VWA8: variants seen among roughly 807,000 people sequenced by gnomAD.
VWA8 encodes the protein von Willebrand factor A domain containing 8.
A neutral mutation model predicts 241.5 loss-of-function variants in VWA8; 221 were observed. The ratio of observed to expected loss-of-function variants is 0.91; its 90% CI spans 0.82 to 1.02. The LOEUF (loss-of-function observed/expected upper bound fraction) is 1.02, where lower values mean the gene tolerates loss of function less well. Among genes scored for constraint, VWA8 ranks in the 50% least tolerant of loss-of-function variants. The pLI is 0.00. For synonymous variants in VWA8, 852 were observed against 827.1 expected (o/e 1.03, Z -0.52); for missense variants, 2,322 against 2,328.7 (o/e 1.00, Z 0.06).
At chr13:41,715,019 A>C in intron 26 of VWA8, among the ~76,000 whole-genome samples, 1 of 151,904 alleles carries the variant, frequency 6.6e-6, no homozygotes, top group East Asian at 1.9e-4. Flanking sequence ...TGGAATTAAT[A>C]TTACATATAG....
At chr13:41,810,225 A>T (rs1274631233) in intron 17 of VWA8, among the ~76,000 whole-genome samples, 1 of 152,108 alleles carries the variant, frequency 6.6e-6, no homozygotes, top group Non-Finnish European at 1.5e-5. Context: ...AAATAACTAG[A>T]ACAACCATAT....
intron 2 of VWA8, among the ~76,000 whole-genome samples, chr13:41,924,205 G>C (rs1488241337): frequency 6.6e-6 from 1 of 152,006 alleles, no homozygotes; most frequent in Admixed American, 6.6e-5. Flanking sequence ...CAAGCAGATA[G>C]ATATCATAAA....
chr13:41,816,577 T>C (rs1324020371), intron 16 of VWA8, 121 bp downstream of exon 16: 1 of 890,818 alleles, frequency 1.1e-6, no homozygotes. Context: ...AGGCATAGCA[T>C]AAGGGATTCC....
intron 9 of VWA8, among the ~76,000 whole-genome samples, chr13:41,872,411 G>T (rs187921751): frequency 1.3e-3 from 199 of 152,298 alleles, no homozygotes; most frequent in African/African-American, 4.5e-3. Context: ...TAATGCCTAC[G>T]TTTTCTTCTA....
At chr13:41,724,824 A>G (rs755127168) in intron 24 of VWA8, among the ~76,000 whole-genome samples, 2 of 152,212 alleles carry the variant, frequency 1.3e-5, no homozygotes, top group Non-Finnish European at 2.9e-5. Context: ...CAAGTATTGT[A>G]TAATTTTAAA....
chr13:41,831,602 C>A (rs1163420885), intron 13 of VWA8, among the ~76,000 whole-genome samples: 1 of 146,734 alleles, frequency 6.8e-6, no homozygotes, highest in Admixed American at 7.0e-5. Flanking sequence ...GATGGTGAAG[C>A]CCAGGCATGA....
intron 18 of VWA8, among the ~76,000 whole-genome samples, chr13:41,787,159 G>T (rs1206900975): frequency 6.9e-6 from 1 of 145,144 alleles, no homozygotes; most frequent in African/African-American, 2.6e-5. Flanking sequence ...ATTTACAGCA[G>T]GAATTCTCAG....
intron 18 of VWA8, among the ~76,000 whole-genome samples, chr13:41,784,697 CATAT>C (rs59582293): frequency 0.018 from 1,030 of 56,986 alleles, 29 homozygotes; most frequent in African/African-American, 0.043. Context: ...TATACATATA[CATAT>C]ATATATATAT....
chr13:41,947,945 A>C (rs1877931569), intron 2 of VWA8, among the ~76,000 whole-genome samples: 1 of 148,834 alleles, frequency 6.7e-6, no homozygotes, highest in Non-Finnish European at 1.5e-5. Context: ...AAAAAAAAAA[A>C]AAAAAAAACA....
At chr13:41,940,947 T>A (rs766710659) in intron 2 of VWA8, among the ~76,000 whole-genome samples, 5 of 152,152 alleles carry the variant, frequency 3.3e-5, no homozygotes, top group Non-Finnish European at 7.4e-5. Context: ...CTACAGGCTA[T>A]CCAAATGCTT....
At chr13:41,855,246 C>T (rs928321134) in intron 12 of VWA8, among the ~76,000 whole-genome samples, 4 of 150,192 alleles carry the variant, frequency 2.7e-5, no homozygotes, top group Admixed American at 6.7e-5. Context: ...TACTGTAGCC[C>T]ATGGCTTGGC....
intron 12 of VWA8, among the ~76,000 whole-genome samples, chr13:41,856,933 G>T (rs763886529): frequency 6.6e-6 from 1 of 151,760 alleles, no homozygotes; most frequent in Non-Finnish European, 1.5e-5. Flanking sequence ...ATATTTGTTG[G>T]ATATCTTTTT....
intron 38 of VWA8, among the ~76,000 whole-genome samples, chr13:41,612,510 A>T (rs1463119241): frequency 3.3e-5 from 5 of 152,206 alleles, no homozygotes. Context: ...TCATATGATA[A>T]AAAGTGGTGG....
At chr13:41,882,246 G>A (rs925192420) in intron 9 of VWA8, among the ~76,000 whole-genome samples, 5 of 151,542 alleles carry the variant, frequency 3.3e-5, no homozygotes, top group African/African-American at 1.2e-4. Context: ...TAGATGGGAT[G>A]GCGACCGGGA....
At chr13:41,769,382 C>T (rs1327614989) in intron 20 of VWA8, among the ~76,000 whole-genome samples, 5 of 151,898 alleles carry the variant, frequency 3.3e-5, no homozygotes, top group African/African-American at 1.2e-4. Flanking sequence ...AGATGACATA[C>T]AAAAAAGTGT....
In VWA8 at chr13:41,705,319, G is replaced by A. The variant is rs556803609; in HGVS notation, c.3117-1908C>T. 1.3e-3 allele frequency among the ~76,000 whole-genome samples: 199 copies of A among 152,064 alleles called. 1 individual carries two copies. The highest frequency in any genetic ancestry group is 4.7e-3 in the African/African-American group (196 of 41,454). ...GGGGTCGGGGGAGGGTACTGAATTA[G>A]GGGAATAAAGGGTTTTACAATTACT... On this transcript the variant is annotated intron_variant, in intron 26 of 44. Transcript: ENST00000379310.
chr13:41,900,074 C>T (rs1457387264), intron 4 of VWA8, among the ~76,000 whole-genome samples: 1 of 152,164 alleles, frequency 6.6e-6, no homozygotes, highest in Admixed American at 6.5e-5. Flanking sequence ...CATGCAACCA[C>T]TCAGTTAAAA....
At chr13:41,823,402 C>T (rs1270608354) in intron 14 of VWA8, among the ~76,000 whole-genome samples, 1 of 152,072 alleles carries the variant, frequency 6.6e-6, no homozygotes, top group Non-Finnish European at 1.5e-5. Context: ...TAAGACTAGG[C>T]CACTAATCTT....
intron 21 of VWA8, among the ~76,000 whole-genome samples, chr13:41,734,109 G>A (rs1361591661): frequency 6.6e-6 from 1 of 152,148 alleles, no homozygotes; most frequent in Non-Finnish European, 1.5e-5. Flanking sequence ...TGAGGCTGAG[G>A]CAGGCAGATC....
Sources: allele counts gnomAD v4.1 joint callset (sites outside exome capture counted in the v4.1 genomes callset), GRCh38; gene constraint gnomAD v4.1.1; transcripts MANE v1.5; gene names NCBI Gene and HGNC (gene_info 2026-07-23, HGNC 2026-07-21).